Variants in ITPR2 observed in about 807,000 individuals in gnomAD.
The protein encoded by ITPR2 is inositol 1,4,5-trisphosphate-gated calcium channel ITPR2.
A neutral mutation model predicts 317.1 loss-of-function variants in ITPR2; 207 were observed. The observed-to-expected ratio is 0.65, with a 90% confidence interval of 0.58 to 0.73. The LOEUF is 0.73. Ranked by LOEUF, ITPR2 falls within the 30% of genes least tolerant of loss-of-function variation. ITPR2 has a pLI of 0.00. For synonymous variants in ITPR2, 1,156 were observed against 1,149.1 expected (o/e 1.01, Z -0.12); for missense variants, 2,613 against 3,284.0 (o/e 0.80, Z 4.99).
At chr12:26,455,733 T>C (rs1012294118) in intron 45 of ITPR2, among the ~76,000 whole-genome samples, 1 of 152,178 alleles carries the variant, frequency 6.6e-6, no homozygotes, top group Non-Finnish European at 1.5e-5. Flanking sequence ...TATTGTCCTT[T>C]CTTAAGAAAT....
intron 55 of ITPR2, among the ~76,000 whole-genome samples, chr12:26,370,695 G>C (rs117398064): frequency 0.062 from 9,495 of 152,170 alleles, 420 homozygotes; most frequent in Non-Finnish European, 0.094. Context: ...TGTTTGTTTT[G>C]ATGGAGTCTT....
At chr12:26,726,299 A>T (rs561061091) in intron 2 of ITPR2, among the ~76,000 whole-genome samples, 2 of 152,324 alleles carry the variant, frequency 1.3e-5, no homozygotes, top group African/African-American at 4.8e-5. Context: ...ACATAAAGCA[A>T]AACAAAACAC....
rs1165813462 is a variant in ITPR2 at position 26,589,809 on chromosome 12, AAAAT to A, written c.4380+5652_4380+5655del. Among the ~76,000 whole-genome samples, 18 of 39,376 alleles carry A rather than the reference AAAAT, an allele frequency of 4.6e-4. 2 individuals carry two copies. The highest frequency in any genetic ancestry group is 1.2e-3 in the East Asian group (5 of 4,224). The allele number at this position is 39,376 out of a possible 152,430, so 25.8% of individuals were successfully genotyped here. A position where few individuals can be genotyped will look rare whatever the true frequency, so the allele number is the denominator to read the frequency against. On this transcript the variant is annotated intron_variant, in intron 32 of 56. Transcript: ENST00000381340. ...TTCAAAAAAAAAAATAAATAAATAA[AAAAT>A]AAATAAATAAATAAATAAACATATA...
At chr12:26,584,588 G>A (rs1041772176) in intron 32 of ITPR2, among the ~76,000 whole-genome samples, 3 of 152,114 alleles carry the variant, frequency 2.0e-5, no homozygotes, top group Non-Finnish European at 2.9e-5. Flanking sequence ...TGAGCAGCAC[G>A]GTCCTACAGA....
chr12:26,685,729 A>G (rs1948112509), intron 11 of ITPR2, among the ~76,000 whole-genome samples: 1 of 152,030 alleles, frequency 6.6e-6, no homozygotes, highest in East Asian at 1.9e-4. Flanking sequence ...ATGTCTAATT[A>G]CTCTGCCTTC....
In ITPR2 at chr12:26,451,595, T is replaced by C. The variant is rs1941743707; in HGVS notation, c.6343-7945A>G. 2.0e-5 allele frequency among the ~76,000 whole-genome samples: 3 copies of C among 152,176 alleles called. No individual in the cohort carries two copies. The South Asian group carries it at 6.2e-4, about 32-fold the overall frequency. ...TTAGAGATCAGTTTATTATTTCCTT[T>C]ATAATGGTAGCCAAACTAAGACAAA... On this transcript the variant is annotated intron_variant, in intron 45 of 56. Coordinates refer to ENST00000381340, the MANE Select transcript of ITPR2 (RefSeq NM_002223.4).
intron 34 of ITPR2, among the ~76,000 whole-genome samples, chr12:26,577,863 T>A (rs1436458016): frequency 6.6e-6 from 1 of 152,200 alleles, no homozygotes; most frequent in Non-Finnish European, 1.5e-5. Flanking sequence ...CCTGGCCAAA[T>A]TGCATAACCT....
chr12:26,504,607 T>C (rs757862669), intron 37 of ITPR2, among the ~76,000 whole-genome samples: 5 of 152,186 alleles, frequency 3.3e-5, no homozygotes, highest in Non-Finnish European at 7.4e-5. Context: ...AAATCAAGTG[T>C]TGAAGAGGAC....
At chr12:26,560,862 A>G (rs930630991) in intron 35 of ITPR2, among the ~76,000 whole-genome samples, 19 of 152,288 alleles carry the variant, frequency 1.2e-4, no homozygotes, top group Non-Finnish European at 2.6e-4. Flanking sequence ...TGTCTTGGCC[A>G]TTTTGTAGAA....
intron 28 of ITPR2, among the ~76,000 whole-genome samples, chr12:26,600,463 C>T (rs1321379515): frequency 6.6e-6 from 1 of 151,840 alleles, no homozygotes; most frequent in Non-Finnish European, 1.5e-5. Context: ...ATCTCCACAC[C>T]TCCTCTGTCC....
intron 55 of ITPR2, among the ~76,000 whole-genome samples, chr12:26,344,328 G>A (rs1038266839): frequency 6.6e-6 from 1 of 152,166 alleles, no homozygotes; most frequent in Non-Finnish European, 1.5e-5. Flanking sequence ...GGATTCCAGA[G>A]GGGTTGTTGG....
intron 2 of ITPR2, among the ~76,000 whole-genome samples, chr12:26,740,756 C>T (rs1005642459): frequency 6.6e-6 from 1 of 152,062 alleles, no homozygotes; most frequent in Admixed American, 6.5e-5. Context: ...TTTTTGTCTT[C>T]CCAGGGGAAA....
In ITPR2 at chr12:26,360,557, G is replaced by A. The variant is rs115556445; in HGVS notation, c.7858-20229C>T. ...TTTGTGGCTTCCACATACTGCCAGT[G>A]AATACATGCCTACTTAACTTCAGAG... On this transcript the variant is annotated intron_variant, in intron 55 of 56. Coordinates refer to ENST00000381340, the MANE Select transcript of ITPR2 (RefSeq NM_002223.4). Among the ~76,000 whole-genome samples, 116 of 152,320 alleles carry A rather than the reference G, an allele frequency of 7.6e-4. 1 individual carries two copies. Among genetic ancestry groups the A allele is most frequent in the African/African-American group, 2.7e-3 (113 of 41,572 alleles).
At chr12:26,752,411 T>C (rs150463787) in intron 2 of ITPR2, among the ~76,000 whole-genome samples, 1 of 152,280 alleles carries the variant, frequency 6.6e-6, no homozygotes, top group African/African-American at 2.4e-5. Flanking sequence ...ATAAAACAAG[T>C]TGCAGTAAAG....
At chr12:26,597,529 A>G (rs1276503742) in intron 30 of ITPR2, among the ~76,000 whole-genome samples, 3 of 152,212 alleles carry the variant, frequency 2.0e-5, no homozygotes, top group Non-Finnish European at 4.4e-5. Flanking sequence ...ATCCTCATCC[A>G]TTGCAATAAT....
chr12:26,340,539 G>A (rs773019783), intron 55 of ITPR2, among the ~76,000 whole-genome samples: 2 of 152,142 alleles, frequency 1.3e-5, no homozygotes, highest in Non-Finnish European at 2.9e-5. Flanking sequence ...AACTTTATAC[G>A]GGCTTCCAGG....
chr12:26,816,519 T>A (rs1222501762), intron 1 of ITPR2, among the ~76,000 whole-genome samples: 3 of 152,218 alleles, frequency 2.0e-5, no homozygotes. Flanking sequence ...TCCCTCAACA[T>A]ACTTCTTGAG....
Position 26,573,703 on chromosome 12 carries a change from T to C in ITPR2, c.4630+5010A>G, listed in dbSNP as rs117679445. On this transcript the variant is annotated intron_variant, in intron 34 of 56. Transcript: ENST00000381340. ...GAGGATCCAAACAGAGGGAATGGCA[T>C]ATGCAAATGTCCTCAGGTGAGGAAA... Among the ~76,000 whole-genome samples, 462 of 152,248 alleles carry C rather than the reference T, an allele frequency of 3.0e-3. 8 individuals are homozygous for C. In the East Asian group the frequency reaches 0.071, roughly 23 times the overall value.
intron 2 of ITPR2, among the ~76,000 whole-genome samples, chr12:26,755,952 A>G (rs1252330831): frequency 6.6e-6 from 1 of 152,194 alleles, no homozygotes; most frequent in Non-Finnish European, 1.5e-5. Flanking sequence ...ATTCATAGGT[A>G]TTAGAGAGTA....
Sources: allele counts gnomAD v4.1 joint callset (sites outside exome capture counted in the v4.1 genomes callset), GRCh38; gene constraint gnomAD v4.1.1; transcripts MANE v1.5; gene names NCBI Gene and HGNC (gene_info 2026-07-23, HGNC 2026-07-21).